Variants in ST7 observed in about 807,000 individuals in gnomAD.
ST7 encodes the protein suppression of tumorigenicity 7, also known as suppressor of tumorigenicity 7 protein.
ST7 carries 28 observed loss-of-function variants against 78.7 expected under a neutral mutation model. That is an observed-to-expected ratio of 0.36 (90% CI 0.26 to 0.49). The LOEUF (loss-of-function observed/expected upper bound fraction) is 0.49, where lower values mean the gene tolerates loss of function less well. ST7 is among the 20% of genes least tolerant of loss of function. The probability of loss-of-function intolerance (pLI) is 0.99; values close to 1 mark genes in which losing one functional copy is unlikely to be tolerated. For missense variants in ST7, 418 were observed against 696.0 expected (o/e 0.60, Z 4.49); for synonymous variants, 247 against 249.6 (o/e 0.99, Z 0.10).
chr7:117,166,395 C>T (rs998916938), intron 9 of ST7, among the ~76,000 whole-genome samples: 5 of 150,544 alleles, frequency 3.3e-5, no homozygotes, highest in Non-Finnish European at 5.9e-5. Context: ...CAAAAGGTGA[C>T]TATAGTTTAT....
Position 117,050,415 on chromosome 7 carries a change from C to T in ST7, c.152-49347C>T, listed in dbSNP as rs574106528. 2.0e-5 allele frequency among the ~76,000 whole-genome samples: 3 copies of T among 152,298 alleles called. No individual in the cohort carries two copies. The South Asian group carries it at 6.2e-4, about 32-fold the overall frequency. On this transcript the variant is annotated intron_variant, in intron 1 of 15. Transcript: ENST00000323984. ...GAAATTATTACAGTAGCACAGCATGCACTACAGTTAATTTTATACAGTTCT... is the reference window on the plus strand; with the variant it reads ...GAAATTATTACAGTAGCACAGCATGTACTACAGTTAATTTTATACAGTTCT...
chr7:116,968,321 TTCCTTCCTTTCCTCCCTCCCTC>T, intron 1 of ST7: 2 of 130,342 alleles, frequency 1.5e-5, no homozygotes, highest in Non-Finnish European at 3.1e-5. Context: ...CCTTCCTTCC[TTCCTTCCTTTCCTCCCTCCCTC>T]CCTCCCTCCC....
chr7:117,036,446 G>C (rs1796901878), intron 1 of ST7, among the ~76,000 whole-genome samples: 1 of 152,212 alleles, frequency 6.6e-6, no homozygotes, highest in South Asian at 2.1e-4. Context: ...GGAAACGACT[G>C]AATATTTTAC....
intron 1 of ST7, chr7:117,098,837 T>C: frequency 1.5e-6 from 2 of 1,301,654 alleles, no homozygotes; most frequent in Non-Finnish European, 2.0e-6. Context: ...GTGGTTTTGA[T>C]AATAATAAAA....
At chr7:117,097,797 CTG>C (rs1337286629) in intron 1 of ST7, among the ~76,000 whole-genome samples, 1 of 135,372 alleles carries the variant, frequency 7.4e-6, no homozygotes, top group African/African-American at 2.8e-5. Flanking sequence ...CACGAACAAA[CTG>C]TTGCATGGGA....
chr7:117,029,990 T>C (rs1796392925), intron 1 of ST7, among the ~76,000 whole-genome samples: 1 of 152,154 alleles, frequency 6.6e-6, no homozygotes, highest in African/African-American at 2.4e-5. Context: ...TTTTCAAAAT[T>C]CTTTTGGCTA....
At chr7:117,223,503 C>G (rs892508039) in intron 15 of ST7, 1 of 160,250 alleles carries the variant, frequency 6.2e-6, no homozygotes, top group East Asian at 1.9e-4. Flanking sequence ...TGCACAGTCA[C>G]TGCTCTTCAG....
At chr7:117,090,953 C>T (rs528315603) in intron 1 of ST7, 20 of 162,782 alleles carry the variant, frequency 1.2e-4, no homozygotes, top group African/African-American at 4.6e-4. Context: ...ATTGTTCCCA[C>T]CAATACAGTT....
Position 116,967,380 on chromosome 7 carries a change from G to C in ST7, c.151+13689G>C, listed in dbSNP as rs750947748. On this transcript the variant is annotated intron_variant, in intron 1 of 15. Transcript: ENST00000323984. Reference sequence around the variant, plus strand: ...CTTCTGGCTCCTGGTGCTTAGGACTGCTGTCCCCTCTCCCTGCCTTACCAG... The same window carrying C: ...CTTCTGGCTCCTGGTGCTTAGGACTCCTGTCCCCTCTCCCTGCCTTACCAG... 6.4e-6 allele frequency: 3 copies of C among 471,256 alleles called. 1 individual carries two copies. Among genetic ancestry groups the C allele is most frequent in the South Asian group, 4.6e-5 (3 of 64,568 alleles). The allele number at this position is 471,256 out of a possible 1,614,324, so 29.2% of individuals were successfully genotyped here. A position where few individuals can be genotyped will look rare whatever the true frequency, so the allele number is the denominator to read the frequency against.
intron 1 of ST7, among the ~76,000 whole-genome samples, chr7:117,064,850 T>G (rs1333838868): frequency 6.6e-6 from 1 of 152,210 alleles, no homozygotes; most frequent in Non-Finnish European, 1.5e-5. Context: ...CAGGAGTTGA[T>G]GGATCCCCAC....
At chr7:117,101,968 G>A (rs1199318627) in intron 2 of ST7, among the ~76,000 whole-genome samples, 2 of 152,120 alleles carry the variant, frequency 1.3e-5, no homozygotes, top group Non-Finnish European at 2.9e-5. Context: ...ATACCATGTC[G>A]CCTCTTAAAT....
intron 1 of ST7, among the ~76,000 whole-genome samples, chr7:117,027,463 A>AAAAGTAAAAGTAAAGT (rs1554427204): frequency 7.1e-6 from 1 of 140,630 alleles, no homozygotes; most frequent in Admixed American, 7.0e-5. Flanking sequence ...AAAGTAAAGT[A>AAAAGTAAAAGTAAAGT]AAAGTAAAGT....
intron 10 of ST7, among the ~76,000 whole-genome samples, chr7:117,173,088 G>C (rs537403950): frequency 2.0e-4 from 30 of 152,242 alleles, no homozygotes; most frequent in African/African-American, 7.0e-4. Flanking sequence ...ACTGAAACTT[G>C]GCTCACACTT....
chr7:117,153,740 A>G (rs1806466969), intron 9 of ST7, among the ~76,000 whole-genome samples: 2 of 152,226 alleles, frequency 1.3e-5, no homozygotes, highest in South Asian at 4.1e-4. Flanking sequence ...CAATTTGGCA[A>G]AAGCAAGATC....
At chr7:116,986,583 A>G (rs1383672240) in intron 1 of ST7, among the ~76,000 whole-genome samples, 1 of 152,202 alleles carries the variant, frequency 6.6e-6, no homozygotes, top group African/African-American at 2.4e-5. Flanking sequence ...GATAAATACC[A>G]TATTCTTTGC....
chr7:116,981,825 C>G (rs1230648866), intron 1 of ST7, among the ~76,000 whole-genome samples: 1 of 152,168 alleles, frequency 6.6e-6, no homozygotes, highest in African/African-American at 2.4e-5. Context: ...TTATCCTTTT[C>G]AAGTGTACTG....
At chr7:117,175,881 C>T (rs1004136121) in intron 10 of ST7, among the ~76,000 whole-genome samples, 3 of 152,044 alleles carry the variant, frequency 2.0e-5, no homozygotes, top group Non-Finnish European at 4.4e-5. Context: ...TATAAAATGT[C>T]GCAATGAGAG....
chr7:117,079,604 T>A (rs1799605612), intron 1 of ST7, among the ~76,000 whole-genome samples: 1 of 152,202 alleles, frequency 6.6e-6, no homozygotes, highest in East Asian at 1.9e-4. Flanking sequence ...TTAACTGAAA[T>A]AAAACTGAAA....
chr7:117,151,621 T>G (rs183401155), intron 9 of ST7, among the ~76,000 whole-genome samples: 51 of 152,324 alleles, frequency 3.3e-4, no homozygotes, highest in African/African-American at 1.2e-3. Context: ...ATTTACTTAT[T>G]TATTGTCTGT....
Sources: gnomAD v4.1 joint callset for allele counts (sites outside exome capture counted in the v4.1 genomes callset) on GRCh38, gnomAD v4.1.1 for gene constraint, MANE v1.5 for transcripts, NCBI Gene and HGNC (gene_info 2026-07-23, HGNC 2026-07-21) for gene names.